The following PLEKHA6 variants were observed in gnomAD, a reference collection of about 807,000 sequenced individuals.
The protein encoded by PLEKHA6 is pleckstrin homology domain containing A6.
In PLEKHA6, 60 loss-of-function variants were observed where a neutral mutation model predicts 116.7. The ratio of observed to expected loss-of-function variants is 0.51; its 90% CI spans 0.42 to 0.64. The LOEUF (loss-of-function observed/expected upper bound fraction) is 0.64. Among genes scored for constraint, PLEKHA6 ranks in the 30% least tolerant of loss-of-function variants. The pLI is 0.00. For synonymous variants in PLEKHA6, 489 were observed against 556.1 expected (o/e 0.88, Z 1.70); for missense variants, 1,338 against 1,422.7 (o/e 0.94, Z 0.96).
intron 1 of PLEKHA6, among the ~76,000 whole-genome samples, chr1:204,293,361 C>T (rs1217537650): frequency 1.3e-5 from 2 of 152,188 alleles, no homozygotes; most frequent in Non-Finnish European, 2.9e-5. Context: ...TCTCGAACTC[C>T]TGGCCTCAGG....
At chr1:204,374,708 G>A (rs549700850) in intron 1 of PLEKHA6, among the ~76,000 whole-genome samples, 1 of 152,140 alleles carries the variant, frequency 6.6e-6, no homozygotes, top group South Asian at 2.1e-4. Flanking sequence ...TCCTCTGTCT[G>A]TGTCTTCTAT....
At chr1:204,328,362 G>A (rs537414162) in intron 1 of PLEKHA6, among the ~76,000 whole-genome samples, 7 of 144,746 alleles carry the variant, frequency 4.8e-5, no homozygotes, top group East Asian at 2.1e-4. Context: ...GACTACAGGC[G>A]TGAGCCATTG....
chr1:204,231,604 G>C (rs1661190297), intron 17 of PLEKHA6, among the ~76,000 whole-genome samples: 1 of 124,896 alleles, frequency 8.0e-6, no homozygotes, highest in South Asian at 2.4e-4. Flanking sequence ...GTCTTGCTCT[G>C]TCACTCCAGC....
upstream of PLEKHA6, among the ~76,000 whole-genome samples, chr1:204,363,432 T>A (rs560675013): frequency 9.2e-5 from 14 of 152,140 alleles, no homozygotes; most frequent in South Asian, 2.9e-3. Context: ...AACGGCTGGG[T>A]GGGGTTCCCT....
intron 1 of PLEKHA6, chr1:204,317,023 G>C (rs1301243588): frequency 6.5e-6 from 1 of 153,160 alleles, no homozygotes; most frequent in Non-Finnish European, 1.5e-5. Flanking sequence ...ACATCTGGAG[G>C]TACCTTCCAG....
intron 1 of PLEKHA6, among the ~76,000 whole-genome samples, chr1:204,374,656 T>C (rs1673834916): frequency 6.6e-6 from 1 of 152,164 alleles, no homozygotes. Flanking sequence ...GCCTTGCATC[T>C]TCACCTCCTC....
intron 15 of PLEKHA6, among the ~76,000 whole-genome samples, chr1:204,242,179 T>C (rs969637979): frequency 6.6e-6 from 1 of 151,978 alleles, no homozygotes; most frequent in Admixed American, 6.6e-5. Flanking sequence ...ACCCAAGACA[T>C]GAGCAAACAG....
intron 17 of PLEKHA6, among the ~76,000 whole-genome samples, chr1:204,239,988 CACA>C (rs1009027627): frequency 2.0e-5 from 3 of 152,118 alleles, no homozygotes; most frequent in African/African-American, 7.2e-5. Context: ...TACCAGGAAA[CACA>C]ACGATTCCAT....
intron 1 of PLEKHA6, chr1:204,301,424 A>G (rs1056833343): frequency 7.1e-6 from 7 of 985,412 alleles, no homozygotes; most frequent in Non-Finnish European, 8.4e-6. Context: ...CGCTGAATAG[A>G]GCTGGCGGAG....
Position 204,261,897 on chromosome 1 carries a change from A to T in PLEKHA6, c.382-449T>A, listed in dbSNP as rs1666165375. The stretch of plus-strand genomic sequence containing the variant: ...AGCACTGTCTCTTCCACGTGGAGAG[A>T]CAGCCAAGCCCCTCTCTGCAGGCAT... On this transcript the variant is annotated intron_variant, in intron 6 of 22. Transcript: ENST00000272203. This position sits in a 1 kb window ranked among gnomAD's most constrained non-coding sequence, Gnocchi z 4.0. The T allele has an allele frequency of 4.6e-6, 1 of 218,300 alleles. No homozygotes were observed. Among genetic ancestry groups the T allele is most frequent in the Admixed American group, 5.4e-5 (1 of 18,606 alleles). The allele number at this position is 218,300 out of a possible 1,614,324, so 13.5% of individuals were successfully genotyped here. A position where few individuals can be genotyped will look rare whatever the true frequency, so the allele number is the denominator to read the frequency against.
intron 1 of PLEKHA6, among the ~76,000 whole-genome samples, chr1:204,287,029 TCTGCTTTCTAAACTG>T (rs1481860766): frequency 6.6e-6 from 1 of 152,132 alleles, no homozygotes; most frequent in Non-Finnish European, 1.5e-5. Context: ...ATCGCTCGAA[TCTGCTTTCTAAACTG>T]GCACAGGGAG....
chr1:204,297,342 C>T (rs1670382100), intron 1 of PLEKHA6: 1 of 362,040 alleles, frequency 2.8e-6, no homozygotes, highest in South Asian at 1.1e-4. Context: ...TTTCTCTTTC[C>T]AACAAGAAAT....
chr1:204,278,743 G>A (rs532708203), intron 1 of PLEKHA6, among the ~76,000 whole-genome samples: 6 of 152,108 alleles, frequency 3.9e-5, no homozygotes, highest in Non-Finnish European at 8.8e-5. Flanking sequence ...AGGAGGCCTC[G>A]GTTTTCAGAT....
At chr1:204,331,161 C>G (rs1339538813) in intron 1 of PLEKHA6, among the ~76,000 whole-genome samples, 1 of 145,502 alleles carries the variant, frequency 6.9e-6, no homozygotes, top group African/African-American at 2.6e-5. Context: ...GATCATGCCA[C>G]TGCACTCCAG....
In PLEKHA6 at chr1:204,259,853, G is replaced by A. The variant is rs749311026; in HGVS notation, c.525-113C>T. The A allele has an allele frequency of 5.3e-4, 602 of 1,146,522 alleles. No individual in the cohort carries two copies. Among genetic ancestry groups the A allele is most frequent in the Non-Finnish European group, 6.8e-4 (558 of 826,090 alleles). 71.0% of individuals were successfully genotyped at this position (1,146,522 alleles called of 1,614,324 possible). ...GGGAAGGATGGGCAGGGAGGTGGCT[G>A]GAACCAGGATTCTATGAACTCCAGT... is the stretch of plus-strand genomic sequence containing the variant. On this transcript the variant is annotated intron_variant, in intron 7 of 22. Transcript: ENST00000272203. The surrounding 1 kb of genome is among the most constrained non-coding windows in gnomAD (Gnocchi z 4.6).
rs1665590878 is a variant in PLEKHA6, at chr1:204,257,992, G to T, written c.1008-123C>A. ...CTTGAATAGGTACACAGGGGCTGAGGTTTATTCCAGAGATGAGGGAAAGAC... is the reference window on the plus strand; with the variant it reads ...CTTGAATAGGTACACAGGGGCTGAGTTTTATTCCAGAGATGAGGGAAAGAC... On this transcript the variant is annotated intron_variant, in intron 8 of 22. Coordinates refer to ENST00000272203, the MANE Select transcript of PLEKHA6 (RefSeq NM_014935.5). The surrounding 1 kb of genome is among the most constrained non-coding windows in gnomAD (Gnocchi z 6.5). The T allele has an allele frequency of 1.2e-6, 1 of 807,478 alleles. No homozygotes were observed. The highest frequency in any genetic ancestry group is 1.7e-5 in the African/African-American group (1 of 58,626). 50.0% of individuals were successfully genotyped at this position (807,478 alleles called of 1,614,324 possible). A position where few individuals can be genotyped will look rare whatever the true frequency, so the allele number is the denominator to read the frequency against.
At chr1:204,269,793 C>T (rs989629028) in intron 3 of PLEKHA6, among the ~76,000 whole-genome samples, 5 of 152,144 alleles carry the variant, frequency 3.3e-5, no homozygotes, top group African/African-American at 7.2e-5. Context: ...TTAGCTCCAC[C>T]GATCATCTCC....
chr1:204,288,409 C>G (rs1669415389), intron 1 of PLEKHA6, among the ~76,000 whole-genome samples: 1 of 152,212 alleles, frequency 6.6e-6, no homozygotes, highest in South Asian at 2.1e-4. Context: ...TAGTCCCACC[C>G]AGGCCGCCCC....
intron 1 of PLEKHA6, chr1:204,298,063 A>G (rs1406590067): frequency 5.4e-6 from 1 of 185,886 alleles, no homozygotes; most frequent in Non-Finnish European, 1.0e-5. Context: ...GCTCTTGGGC[A>G]TTTCCACAAG....
Sources: gnomAD v4.1 joint callset for allele counts (sites outside exome capture counted in the v4.1 genomes callset) on GRCh38, gnomAD v4.1.1 for gene constraint, Gnocchi (gnomAD v3.1) non-coding constraint, MANE v1.5 for transcripts, NCBI Gene and HGNC (gene_info 2026-07-23, HGNC 2026-07-21) for gene names.